COL25A1: variants seen among roughly 807,000 people sequenced by gnomAD.
The protein encoded by COL25A1 is collagen type XXV alpha 1 chain.
A neutral mutation model predicts 128.4 loss-of-function variants in COL25A1; 103 were observed. The observed-to-expected ratio is 0.80, with a 90% CI of 0.68 to 0.94. The LOEUF (loss-of-function observed/expected upper bound fraction) is 0.94, where lower values mean the gene tolerates loss of function less well. COL25A1 is among the 40% of genes least tolerant of loss of function. The pLI is 0.00. For missense variants in COL25A1, 745 were observed against 840.0 expected (o/e 0.89, Z 1.40); for synonymous variants, 279 against 277.2 (o/e 1.01, Z -0.06).
chr4:108,908,070 A>G (rs941801480), intron 13 of COL25A1, among the ~76,000 whole-genome samples: 7 of 152,122 alleles, frequency 4.6e-5, no homozygotes, highest in Non-Finnish European at 8.8e-5. Flanking sequence ...TTACCTGTTC[A>G]TTCTTTATTT....
At position 108,855,868 on chromosome 4, in the gene COL25A1, A is replaced by G. The variant is rs557931760; in HGVS notation, c.1321-2943T>C. On this transcript the variant is annotated intron_variant, in intron 24 of 37. Coordinates refer to ENST00000399132, the MANE Select transcript of COL25A1 (RefSeq NM_198721.4). ...GCAGACACACAGAGAAGTCCTAACG[A>G]TGTGGCTCACTGTGCATTTCTTATA... Among the ~76,000 whole-genome samples the G allele has an allele frequency of 2.2e-4, 34 of 152,292 alleles. No homozygotes were observed. The East Asian group carries it at 6.6e-3, about 29-fold the overall frequency.
chr4:109,266,329 T>C (rs1781790195), intron 3 of COL25A1, among the ~76,000 whole-genome samples: 1 of 152,178 alleles, frequency 6.6e-6, no homozygotes, highest in Non-Finnish European at 1.5e-5. Flanking sequence ...GCTGAGGAAG[T>C]GGACAAGCTA....
chr4:109,127,976 C>T (rs3113732), intron 3 of COL25A1, among the ~76,000 whole-genome samples: 159 of 151,914 alleles, frequency 1.0e-3, no homozygotes, highest in African/African-American at 3.3e-3. Flanking sequence ...AGAGCAGGGA[C>T]GCTCTTTTTA....
chr4:108,894,327 T>A (rs1741883799), intron 16 of COL25A1, among the ~76,000 whole-genome samples: 1 of 152,098 alleles, frequency 6.6e-6, no homozygotes, highest in Non-Finnish European at 1.5e-5. Context: ...TCTACATAAA[T>A]CCACATAGGC....
chr4:108,906,857 T>A (rs1743587947), intron 13 of COL25A1, among the ~76,000 whole-genome samples: 1 of 152,152 alleles, frequency 6.6e-6, no homozygotes, highest in African/African-American at 2.4e-5. Context: ...TACATCAGTG[T>A]TAGAGGAATG....
intron 18 of COL25A1, among the ~76,000 whole-genome samples, chr4:108,887,300 C>CA (rs1740949970): frequency 6.6e-6 from 1 of 152,280 alleles, no homozygotes. Flanking sequence ...AATGAACCCC[C>CA]AGCATGGTTC....
chr4:108,942,615 T>G (rs1054885943), intron 8 of COL25A1, among the ~76,000 whole-genome samples: 5 of 151,942 alleles, frequency 3.3e-5, no homozygotes, highest in Non-Finnish European at 7.4e-5. Flanking sequence ...AGCTAAGTTT[T>G]GTATTTTTAG....
At chr4:108,835,560 C>CTT (rs34954194) in intron 31 of COL25A1, among the ~76,000 whole-genome samples, 22 of 147,920 alleles carry the variant, frequency 1.5e-4, no homozygotes, top group East Asian at 1.2e-3. Flanking sequence ...TACATACATT[C>CTT]TTTTTTTTTT....
At chr4:108,831,687 GGAGAGAGAGA>G (rs3062875) in intron 32 of COL25A1, among the ~76,000 whole-genome samples, 9 of 144,300 alleles carry the variant, frequency 6.2e-5, no homozygotes, top group Middle Eastern at 3.6e-3. Context: ...AGAGAGAGGG[GGAGAGAGAGA>G]GAGAGAGAGA....
At chr4:109,060,730 A>C (rs1278343081) in intron 3 of COL25A1, among the ~76,000 whole-genome samples, 1 of 151,610 alleles carries the variant, frequency 6.6e-6, no homozygotes, top group Non-Finnish European at 1.5e-5. Context: ...TGGCAAAATG[A>C]GTTCATGGCT....
At chr4:108,823,981 G>T (rs1441911554) in intron 35 of COL25A1, 193 bp downstream of exon 35, 1 of 1,524,514 alleles carries the variant, frequency 6.6e-7, no homozygotes, top group Admixed American at 2.6e-5. Flanking sequence ...ATGCCAGGCA[G>T]TGCCCTTATA....
chr4:109,287,594 TA>T (rs1431506853), intron 3 of COL25A1, among the ~76,000 whole-genome samples: 1 of 152,130 alleles, frequency 6.6e-6, no homozygotes, highest in Non-Finnish European at 1.5e-5. Context: ...TAAATGAAGA[TA>T]AATATTTCCC....
In COL25A1 at chr4:109,008,491, A is replaced by C. The variant is rs1648016; in HGVS notation, c.438+1867T>G. On this transcript the variant is annotated intron_variant, in intron 6 of 37. Transcript: ENST00000399132. ...GTTATTTATGCTCAAATTCTTAAGA[A>C]ATGCTTTGGGATGTGGGAAAGAAGG... Among the ~76,000 whole-genome samples, 310 of 152,096 alleles carry C rather than the reference A, an allele frequency of 2.0e-3. 1 individual carries two copies. The highest frequency in any genetic ancestry group is 7.2e-3 in the African/African-American group (298 of 41,504).
At chr4:109,010,851 C>T (rs1405161) in intron 5 of COL25A1, among the ~76,000 whole-genome samples, 77,725 of 152,078 alleles carry the variant, frequency 0.51, 22,606 homozygotes, top group African/African-American at 0.78. Context: ...AGTCTCTTAA[C>T]TTCTCATTAT....
chr4:109,216,368 G>A (rs775869735), intron 3 of COL25A1, among the ~76,000 whole-genome samples: 5 of 152,120 alleles, frequency 3.3e-5, no homozygotes, highest in South Asian at 2.1e-4. Flanking sequence ...GGCTGCCATG[G>A]TAAAAATGCT....
At chr4:109,106,313 T>C (rs756163605) in intron 3 of COL25A1, among the ~76,000 whole-genome samples, 3 of 151,652 alleles carry the variant, frequency 2.0e-5, no homozygotes, top group Non-Finnish European at 2.9e-5. Flanking sequence ...TCCTCCTAAA[T>C]TGTCAACTTT....
intron 3 of COL25A1, among the ~76,000 whole-genome samples, chr4:109,139,091 A>G (rs1048768273): frequency 2.6e-5 from 4 of 151,878 alleles, no homozygotes; most frequent in Non-Finnish European, 5.9e-5. Context: ...TTTTTTTCAT[A>G]TGTCTGTTGG....
At chr4:108,863,445 T>A in intron 20 of COL25A1, 58 bp from the exon 21 acceptor site, 1 of 1,426,324 alleles carries the variant, frequency 7.0e-7, no homozygotes, top group Non-Finnish European at 9.6e-7. Context: ...CTGGTCCCTG[T>A]AGATTAATAA....
intron 3 of COL25A1, among the ~76,000 whole-genome samples, chr4:109,274,577 C>G (rs995783434): frequency 1.6e-4 from 25 of 152,190 alleles, no homozygotes; most frequent in African/African-American, 4.8e-4. Context: ...GAGATAAACA[C>G]TTTAAAATGC....
Sources: allele counts gnomAD v4.1 joint callset (sites outside exome capture counted in the v4.1 genomes callset), GRCh38; gene constraint gnomAD v4.1.1; transcripts MANE v1.5; gene names NCBI Gene and HGNC (gene_info 2026-07-23, HGNC 2026-07-21).